The following PCDHA7 variants were observed in gnomAD, a reference collection of about 807,000 sequenced individuals.
PCDHA7 encodes protocadherin alpha-7.
A neutral mutation model predicts 57.2 loss-of-function variants in PCDHA7; 37 were observed. That is an observed-to-expected ratio of 0.65 (90% CI 0.50 to 0.85). The LOEUF is 0.85. PCDHA7 is among the 40% of genes least tolerant of loss of function. PCDHA7 has a pLI of 0.00. For missense variants in PCDHA7, 1,188 were observed against 1,241.8 expected (o/e 0.96, Z 0.65); for synonymous variants, 553 against 558.8 (o/e 0.99, Z 0.15).
chr5:140,951,141 T>G (rs2094552248), intron 1 of PCDHA7, among the ~76,000 whole-genome samples: 1 of 100,612 alleles, frequency 9.9e-6, no homozygotes, highest in Non-Finnish European at 2.0e-5. Context: ...TTCCTTTATC[T>G]TATTGAATAT....
In PCDHA7 at chr5:140,844,415, G is replaced by GT. The variant is rs1436440937; in HGVS notation, c.2355+7683dup. Among the ~76,000 whole-genome samples, 5 of 149,230 alleles carry GT rather than the reference G, an allele frequency of 3.4e-5. 1 individual carries two copies. Among genetic ancestry groups the GT allele is most frequent in the Non-Finnish European group, 6.0e-5 (4 of 66,716 alleles). On this transcript the variant is annotated intron_variant, in intron 1 of 3. Transcript: ENST00000525929. ...AGACCATTTTACCATTTGGAGACAT[G>GT]TTTTTTATTCTACATGATTTTTACA...
At chr5:140,952,675 T>A (rs2153696875) in intron 1 of PCDHA7, among the ~76,000 whole-genome samples, 1 of 152,326 alleles carries the variant, frequency 6.6e-6, no homozygotes, top group East Asian at 1.9e-4. Context: ...ACTTTCACAT[T>A]TTCAGGATCT....
chr5:140,968,989 C>T, intron 1 of PCDHA7: 1 of 1,614,234 alleles, frequency 6.2e-7, no homozygotes, highest in Non-Finnish European at 8.5e-7. Flanking sequence ...GCACTGCATG[C>T]TGTGGAGGCT....
chr5:140,966,385 G>C (rs1486179807), intron 1 of PCDHA7: 1 of 405,050 alleles, frequency 2.5e-6, no homozygotes, highest in East Asian at 3.6e-5. Flanking sequence ...CGGGTTCGCT[G>C]TCCGCCACTT....
At chr5:140,926,731 G>C (rs1282301090) in intron 1 of PCDHA7, 9 of 1,104,780 alleles carry the variant, frequency 8.1e-6, no homozygotes, top group Middle Eastern at 3.2e-4. Flanking sequence ...GCCGGCGTTC[G>C]GGAGGCGCAA....
intron 1 of PCDHA7, among the ~76,000 whole-genome samples, chr5:140,901,318 T>A (rs1337437902): frequency 6.6e-6 from 1 of 152,202 alleles, no homozygotes; most frequent in African/African-American, 2.4e-5. Flanking sequence ...TTCCCCAATG[T>A]TTTCTTGTAG....
At chr5:140,948,013 A>G (rs1214834981) in intron 1 of PCDHA7, among the ~76,000 whole-genome samples, 7 of 89,982 alleles carry the variant, frequency 7.8e-5, no homozygotes, top group Admixed American at 5.3e-4. Context: ...TTTAGGAAGT[A>G]CCCTTTCTGG....
At chr5:140,842,786 C>A (rs1554139367) in intron 1 of PCDHA7, 1 of 1,594,526 alleles carries the variant, frequency 6.3e-7, no homozygotes, top group Admixed American at 1.7e-5. Flanking sequence ...GGAGAACGCG[C>A]TGGTGTCCTA....
chr5:140,920,374 G>T (rs1427300257), intron 1 of PCDHA7, among the ~76,000 whole-genome samples: 1 of 151,964 alleles, frequency 6.6e-6, no homozygotes, highest in East Asian at 1.9e-4. Flanking sequence ...TATTCTTGTG[G>T]ATTCATATTA....
At chr5:140,883,521 T>C in intron 1 of PCDHA7, 2 of 1,614,202 alleles carry the variant, frequency 1.2e-6, no homozygotes, top group Non-Finnish European at 1.7e-6. Flanking sequence ...CGCGAGAGCG[T>C]ATCAGCCTAT....
intron 1 of PCDHA7, among the ~76,000 whole-genome samples, chr5:140,890,365 T>A: frequency 6.6e-6 from 1 of 152,216 alleles, no homozygotes; most frequent in Non-Finnish European, 1.5e-5. Context: ...ATGGATAACC[T>A]GAACAAGTAC....
intron 1 of PCDHA7, among the ~76,000 whole-genome samples, chr5:140,915,164 G>T (rs782783727): frequency 2.6e-5 from 4 of 152,026 alleles, no homozygotes; most frequent in Non-Finnish European, 4.4e-5. Flanking sequence ...GGCCAGGATA[G>T]TCTCGATCTC....
Position 140,842,518 on chromosome 5 carries a change from C to G in PCDHA7, c.2355+5780C>G, listed in dbSNP as rs2150337921. 3.1e-6 allele frequency: 5 copies of G among 1,613,574 alleles called. 1 individual carries two copies. The South Asian group carries it at 5.5e-5, about 18-fold the overall frequency. ...CCCATGTCCCCTTCAAGCTGGTGTC[C>G]ACCTTCAAGAATTACTACTCGTTGG... On this transcript the variant is annotated intron_variant, in intron 1 of 3. Coordinates refer to ENST00000525929, the MANE Select transcript of PCDHA7 (RefSeq NM_018910.3).
intron 1 of PCDHA7, chr5:140,883,717 C>A (rs926863988): frequency 6.2e-7 from 1 of 1,613,614 alleles, no homozygotes. Context: ...AGGACGCGGA[C>A]GCACAGGAGA....
At chr5:140,850,932 C>T in intron 1 of PCDHA7, 1 of 1,514,290 alleles carries the variant, frequency 6.6e-7, no homozygotes, top group Non-Finnish European at 8.9e-7. Flanking sequence ...AATTTTTTTT[C>T]TTGAAAGATA....
At chr5:140,869,740 A>G in intron 1 of PCDHA7, 1 of 1,613,346 alleles carries the variant, frequency 6.2e-7, no homozygotes, top group Non-Finnish European at 8.5e-7. Flanking sequence ...TTTGCTGCTA[A>G]CAGCTACAGA....
chr5:140,849,959 C>A (rs527334652), intron 1 of PCDHA7: 1 of 1,597,764 alleles, frequency 6.3e-7, no homozygotes, highest in African/African-American at 1.3e-5. Flanking sequence ...AGGAGAACGC[C>A]CTGGTGTCCT....
At chr5:140,926,863 G>T (rs2083606655) in intron 1 of PCDHA7, 6 of 1,523,054 alleles carry the variant, frequency 3.9e-6, no homozygotes, top group Non-Finnish European at 5.3e-6. Flanking sequence ...GGTGTAGCGT[G>T]TTGGTGGAAC....
In PCDHA7 at chr5:140,972,962, A is replaced by G. The variant is rs550755148; in HGVS notation, c.2356-5987A>G. Among the ~76,000 whole-genome samples the G allele has an allele frequency of 1.5e-3, 231 of 152,144 alleles. 1 individual carries two copies. The highest frequency in any genetic ancestry group is 2.9e-3 in the Non-Finnish European group (194 of 67,976). ...CAGATGTGAGCCACCATGCCCGGCA[A>G]AGGAAACCAAATCTTAAGGTAGATT... On this transcript the variant is annotated intron_variant, in intron 1 of 3. Transcript: ENST00000525929.
Sources: gnomAD v4.1 joint callset for allele counts (sites outside exome capture counted in the v4.1 genomes callset) on GRCh38, gnomAD v4.1.1 for gene constraint, MANE v1.5 for transcripts, NCBI Gene and HGNC (gene_info 2026-07-23, HGNC 2026-07-21) for gene names.